The following FGD5 variants were observed in gnomAD, a reference collection of about 807,000 sequenced individuals.
The protein encoded by FGD5 is FYVE, RhoGEF and PH domain-containing protein 5.
Under a neutral mutation model 133.4 loss-of-function variants are expected in FGD5, and 28 were observed. That is an observed-to-expected ratio of 0.21 (90% CI 0.16 to 0.29). The LOEUF (loss-of-function observed/expected upper bound fraction) is 0.29. Ranked by LOEUF, FGD5 falls within the 10% of genes least tolerant of loss-of-function variation. FGD5 has a pLI of 1.00. For synonymous variants in FGD5, 810 were observed against 776.5 expected (o/e 1.04, Z -0.72); for missense variants, 1,858 against 1,895.2 (o/e 0.98, Z 0.36).
rs1033717877 is a variant in FGD5 at position 14,885,138 on chromosome 3, G to A, written c.2748+4366G>A. 3.3e-5 allele frequency among the ~76,000 whole-genome samples: 5 copies of A among 150,620 alleles called. No homozygotes were observed. In the South Asian group the frequency reaches 8.4e-4, roughly 25 times the overall value. On this transcript the variant is annotated intron_variant, in intron 4 of 19. Transcript: ENST00000285046. ...TTTGACTCTTATCTTTTATTCCCAC[G>A]TTCGCCCCCTTTGTTCAGTTCCTCT...
rs909236982 is a variant in FGD5, at chr3:14,921,957, C to G, written c.3609C>G (p.Ser1203Arg). The G allele has an allele frequency of 6.4e-7, 1 of 1,571,928 alleles. No individual in the cohort carries two copies. The change falls in exon 14 of 20, where the codon AGC becomes AGG. Residue 1203 changes from serine to arginine, a missense_variant. Physicochemically the swap from Ser to Arg is moderately radical, Grantham distance 110 (BLOSUM62 -1). Transcript: ENST00000285046. ...GGGACGAGTGGTATGGCTGTCTGAG[C>G]AGAGCCCTCCCTGAGGACTACAAGG... is the stretch of plus-strand genomic sequence containing the variant. ...AERDEWYGCL[S>R]RALPEDYKAQ... is the part of the protein sequence containing the mutation.
At chr3:14,846,038 A>G (rs1469866761) in intron 1 of FGD5, among the ~76,000 whole-genome samples, 1 of 152,196 alleles carries the variant, frequency 6.6e-6, no homozygotes, top group Non-Finnish European at 1.5e-5. Context: ...ATTGACATAA[A>G]AGTGACTGAT....
chr3:14,898,777 G>T lies in FGD5; in HGVS notation c.3105G>T (p.Arg1035=), dbSNP rs768715676. 1 of 1,585,096 alleles carries T rather than the reference G, an allele frequency of 6.3e-7. No homozygotes were observed. Among genetic ancestry groups the T allele is most frequent in the East Asian group, 2.3e-5 (1 of 43,152 alleles). ...GAGGCAGCCAGACTGCGAAGCATCGGCTGCTGCGGGTGGTTCAACGCCTCT... is the reference window on the plus strand; with the variant it reads ...GAGGCAGCCAGACTGCGAAGCATCGTCTGCTGCGGGTGGTTCAACGCCTCT... ...VQGGSQTAKH[R]LLRVVQRLFQ... Residue 1035 remains arginine (R), a synonymous_variant, in exon 7 of 20, where the codon CGG becomes CGT. Coordinates refer to ENST00000285046, the MANE Select transcript of FGD5 (RefSeq NM_152536.4).
chr3:14,836,810 C>G (rs564877716), intron 1 of FGD5, among the ~76,000 whole-genome samples: 10 of 152,312 alleles, frequency 6.6e-5, no homozygotes, highest in African/African-American at 2.4e-4. Flanking sequence ...GAGCAATATT[C>G]TGGCAGCACA....
Position 14,895,583 on chromosome 3 carries a change from T to A in FGD5, c.2749-1926T>A, listed in dbSNP as rs117004844. Among the ~76,000 whole-genome samples, 256 of 152,222 alleles carry A rather than the reference T, an allele frequency of 1.7e-3. 6 individuals carry two copies. The East Asian group carries it at 0.042, about 25-fold the overall frequency. ...TTTTTTGTTTTGTTTTTTTGTTTGT[T>A]TGTTTTATGAGACAGGGTCTTGCTC... On this transcript the variant is annotated intron_variant, in intron 4 of 19. Coordinates refer to ENST00000285046, the MANE Select transcript of FGD5 (RefSeq NM_152536.4).
intron 1 of FGD5, among the ~76,000 whole-genome samples, chr3:14,823,604 C>T (rs1190077015): frequency 9.2e-5 from 14 of 152,232 alleles, no homozygotes; most frequent in Admixed American, 9.2e-4. Context: ...GGAAAAGGCA[C>T]TTGCGTAAGA....
intron 16 of FGD5, among the ~76,000 whole-genome samples, chr3:14,923,516 C>G (rs2038728029): frequency 6.6e-6 from 1 of 152,030 alleles, no homozygotes; most frequent in African/African-American, 2.4e-5. Context: ...CTTTCTGGGA[C>G]TAAGGACTAT....
chr3:14,900,964 C>T (rs1252297605), intron 8 of FGD5, 39 bp from the exon 9 acceptor site: 1 of 1,613,212 alleles, frequency 6.2e-7, no homozygotes, highest in Non-Finnish European at 8.5e-7. Flanking sequence ...TGATGCCCCT[C>T]TTGCAATGGC....
chr3:14,911,908 A>G (rs879791438), intron 11 of FGD5, among the ~76,000 whole-genome samples: 1 of 151,570 alleles, frequency 6.6e-6, no homozygotes, highest in African/African-American at 2.4e-5. Context: ...TCAGTGTTTC[A>G]TATGTTTTCT....
intron 1 of FGD5, among the ~76,000 whole-genome samples, chr3:14,843,653 G>A (rs1223431623): frequency 6.7e-6 from 1 of 149,444 alleles, no homozygotes; most frequent in African/African-American, 2.5e-5. Context: ...AACCCTGGAC[G>A]CTTGGGCTCT....
chr3:14,880,476 C>A (rs897414528), intron 2 of FGD5, 96 bp from the exon 3 acceptor site: 43 of 1,139,096 alleles, frequency 3.8e-5, no homozygotes, highest in Non-Finnish European at 5.2e-5. Flanking sequence ...AGGAAATGGT[C>A]TGCAAAATGC....
At position 14,821,667 on chromosome 3, in the gene FGD5, A is replaced by G. The variant is rs549081964; in HGVS notation, c.2525+71A>G. The G allele has an allele frequency of 4.2e-5, 61 of 1,447,958 alleles. No homozygotes were observed. In the East Asian group the frequency reaches 1.3e-3, roughly 32 times the overall value. The allele number at this position is 1,447,958 out of a possible 1,614,324, so 89.7% of individuals were successfully genotyped here. A position where few individuals can be genotyped will look rare whatever the true frequency, so the allele number is the denominator to read the frequency against. On this transcript the variant is annotated intron_variant, in intron 1 of 19. Transcript: ENST00000285046. ...CCAGGAGGCAGCGTGGGTGTGGGGG[A>G]CAGATGGACTTGCTTTCCAGCCTCA...
chr3:14,813,118 A>G (rs924311497), intron 1 of FGD5, among the ~76,000 whole-genome samples: 7 of 152,250 alleles, frequency 4.6e-5, no homozygotes, highest in Admixed American at 3.9e-4. Flanking sequence ...GGTGTAGGAA[A>G]TGTCTGCCAG....
intron 12 of FGD5, among the ~76,000 whole-genome samples, 169 bp from the exon 13 acceptor site, chr3:14,918,585 G>C (rs1240861232): frequency 6.6e-6 from 1 of 152,208 alleles, no homozygotes; most frequent in African/African-American, 2.4e-5. Flanking sequence ...TGATGGAGCT[G>C]GCAGCCAGGC....
intron 1 of FGD5, among the ~76,000 whole-genome samples, chr3:14,812,915 C>T (rs2036314532): frequency 6.6e-6 from 1 of 152,138 alleles, no homozygotes; most frequent in South Asian, 2.1e-4. Flanking sequence ...AGGTGTTTTA[C>T]TTCTATCAGT....
At chr3:14,930,667 A>G (rs2038886972) in intron 18 of FGD5, 2 of 152,180 alleles carry the variant, frequency 1.3e-5, no homozygotes, top group South Asian at 4.1e-4. Context: ...ATCAATTTCT[A>G]TGATAGGGAT....
At chr3:14,916,525 C>T (rs777155564) in intron 11 of FGD5, among the ~76,000 whole-genome samples, 1 of 152,226 alleles carries the variant, frequency 6.6e-6, no homozygotes, top group Admixed American at 6.5e-5. Context: ...CTCAGGGTGT[C>T]TCCCAACCCT....
intron 2 of FGD5, among the ~76,000 whole-genome samples, chr3:14,873,881 C>G (rs2037664282): frequency 6.6e-6 from 1 of 152,050 alleles, no homozygotes; most frequent in African/African-American, 2.4e-5. Flanking sequence ...GCCACCATGC[C>G]AGACTAATTT....
In FGD5 at chr3:14,900,983, T is replaced by G; in HGVS notation, c.3206-20T>G. ...GCCCCTCTTGCAATGGCCCAACTCC[T>G]GCTCTGTGTCCCTCCCCAGGTGCAC... On this transcript the variant is annotated intron_variant, in intron 8 of 19. Coordinates refer to ENST00000285046, the MANE Select transcript of FGD5 (RefSeq NM_152536.4). The G allele has an allele frequency of 6.2e-7, 1 of 1,613,970 alleles. No homozygotes were observed. The highest frequency in any genetic ancestry group is 8.5e-7 in the Non-Finnish European group (1 of 1,179,826).
Sources: allele counts gnomAD v4.1 joint callset (sites outside exome capture counted in the v4.1 genomes callset), GRCh38; gene constraint gnomAD v4.1.1; transcripts MANE v1.5; gene names NCBI Gene and HGNC (gene_info 2026-07-23, HGNC 2026-07-21).